The following CSMD1 variants were observed in gnomAD, a reference collection of about 807,000 sequenced individuals.
The protein encoded by CSMD1 is CUB and Sushi multiple domains 1, also known as CUB and sushi domain-containing protein 1.
CSMD1 carries 213 observed loss-of-function variants against 417.5 expected under a neutral mutation model. The observed-to-expected ratio is 0.51, with a 90% confidence interval of 0.46 to 0.57. The LOEUF (loss-of-function observed/expected upper bound fraction) is 0.57, where lower values mean the gene tolerates loss of function less well. CSMD1 is among the 20% of genes least tolerant of loss of function. CSMD1 has a pLI of 0.00. For missense variants in CSMD1, 6,923 were observed against 4,529.7 expected (o/e 1.53, Z -15.17); for synonymous variants, 2,862 against 1,736.8 (o/e 1.65, Z -16.11).
chr8:2,969,168 A>C (rs1195605102), intron 57 of CSMD1, among the ~76,000 whole-genome samples: 2 of 152,116 alleles, frequency 1.3e-5, no homozygotes, highest in Admixed American at 1.3e-4. Flanking sequence ...CAAATTACCC[A>C]CGCTATATGT....
At chr8:4,460,485 T>C (rs1439992248) in intron 2 of CSMD1, among the ~76,000 whole-genome samples, 2 of 152,022 alleles carry the variant, frequency 1.3e-5, no homozygotes, top group Non-Finnish European at 2.9e-5. Flanking sequence ...GTGAGAATAA[T>C]CAAGTATACA....
rs531116804 is a variant in CSMD1 at position 4,670,046 on chromosome 8, G to A, written c.86-32488C>T. ...AACTCAACCATCTGAACCCTGCTAGGAGAAACTCTGTAGAAAGGGAAGCTG... is the reference window on the plus strand; with the variant it reads ...AACTCAACCATCTGAACCCTGCTAGAAGAAACTCTGTAGAAAGGGAAGCTG... On this transcript the variant is annotated intron_variant, in intron 1 of 69. Coordinates refer to ENST00000635120, the MANE Select transcript of CSMD1 (RefSeq NM_033225.6). 5.3e-5 allele frequency among the ~76,000 whole-genome samples: 8 copies of A among 152,272 alleles called. No homozygotes were observed. The East Asian group carries it at 1.4e-3, about 26-fold the overall frequency.
intron 5 of CSMD1, among the ~76,000 whole-genome samples, chr8:3,975,364 T>C (rs906513120): frequency 8.5e-5 from 13 of 152,196 alleles, no homozygotes; most frequent in Non-Finnish European, 1.3e-4. Context: ...AATAATGTTA[T>C]GTTTCTTTTT....
intron 12 of CSMD1, among the ~76,000 whole-genome samples, chr8:3,424,899 T>C (rs1052164443): frequency 6.6e-6 from 1 of 152,214 alleles, no homozygotes; most frequent in Non-Finnish European, 1.5e-5. Context: ...GGAGCCATCA[T>C]GGCTGACTCA....
Position 3,574,986 on chromosome 8 carries a change from C to A in CSMD1, c.1303G>T (p.Ala435Ser). The A allele has an allele frequency of 6.2e-7, 1 of 1,612,938 alleles. No homozygotes were observed. The highest frequency in any genetic ancestry group is 1.1e-5 in the South Asian group (1 of 91,016). Residue 435 changes from alanine to serine, a missense_variant, in exon 10 of 70, where the codon GCA becomes TCA. Ala to Ser is a moderately conservative substitution (Grantham distance 99, BLOSUM62 1). Transcript: ENST00000635120. Reference sequence around the variant, plus strand: ...GTGGTGATGACCCACACACAGTGTGCATTATCTTCATACTGAACCGGATAA... The same window carrying A: ...GTGGTGATGACCCACACACAGTGTGAATTATCTTCATACTGAACCGGATAA... ...PNYPVQYEDN[A>S]HCVWVITTTD...
At chr8:3,871,526 C>A (rs1041639704) in intron 5 of CSMD1, among the ~76,000 whole-genome samples, 3 of 151,900 alleles carry the variant, frequency 2.0e-5, no homozygotes, top group African/African-American at 4.8e-5. Context: ...ATGAATAATG[C>A]TTGATTTTAA....
At chr8:4,351,898 G>A (rs1801116492) in intron 3 of CSMD1, among the ~76,000 whole-genome samples, 1 of 150,506 alleles carries the variant, frequency 6.6e-6, no homozygotes, top group African/African-American at 2.4e-5. Flanking sequence ...ACGCACTACA[G>A]AAACCAAACT....
intron 3 of CSMD1, among the ~76,000 whole-genome samples, chr8:4,332,957 A>AAC: frequency 6.6e-6 from 1 of 151,820 alleles, no homozygotes; most frequent in African/African-American, 2.4e-5. Context: ...AAAAAAAAAA[A>AAC]CTAAGATTTC....
At chr8:3,772,334 G>GACATACATATGTACATATATTTAT (rs1798627405) in intron 5 of CSMD1, among the ~76,000 whole-genome samples, 5 of 34,448 alleles carry the variant, frequency 1.5e-4, no homozygotes, top group Non-Finnish European at 2.2e-4. Context: ...CATATATTTA[G>GACATACATATGTACATATATTTAT]ACATACATAT....
intron 3 of CSMD1, among the ~76,000 whole-genome samples, chr8:4,050,764 A>T (rs190612355): frequency 6.6e-6 from 1 of 152,212 alleles, no homozygotes; most frequent in Non-Finnish European, 1.5e-5. Flanking sequence ...GCCCTAATTG[A>T]CCAAGTGTAT....
chr8:3,115,960 G>T (rs1033751409), intron 42 of CSMD1, among the ~76,000 whole-genome samples: 1 of 152,130 alleles, frequency 6.6e-6, no homozygotes, highest in Non-Finnish European at 1.5e-5. Context: ...ATAAACCACT[G>T]TCAATTAATA....
At chr8:3,676,690 T>C (rs1392541537) in intron 7 of CSMD1, among the ~76,000 whole-genome samples, 1 of 152,154 alleles carries the variant, frequency 6.6e-6, no homozygotes, top group Admixed American at 6.5e-5. Flanking sequence ...ATCTTAAAGA[T>C]GACTGTCCAT....
chr8:2,947,092 A>G (rs1802293763), intron 68 of CSMD1, among the ~76,000 whole-genome samples: 3 of 152,190 alleles, frequency 2.0e-5, no homozygotes. Flanking sequence ...ATTGAGCCAT[A>G]AGAGTTCTTC....
At chr8:4,458,671 G>A (rs1799630216) in intron 2 of CSMD1, among the ~76,000 whole-genome samples, 2 of 152,166 alleles carry the variant, frequency 1.3e-5, no homozygotes, top group African/African-American at 4.8e-5. Context: ...GTCCTTGTCT[G>A]AAACTAACCA....
At chr8:3,326,159 A>G (rs1348615353) in intron 23 of CSMD1, among the ~76,000 whole-genome samples, 1 of 152,212 alleles carries the variant, frequency 6.6e-6, no homozygotes, top group Non-Finnish European at 1.5e-5. Context: ...GTTCGACAAC[A>G]TCATACACTG....
chr8:4,142,187 A>C (rs1803832071), intron 3 of CSMD1, among the ~76,000 whole-genome samples: 1 of 151,196 alleles, frequency 6.6e-6, no homozygotes, highest in Non-Finnish European at 1.5e-5. Context: ...ACTCAAGATA[A>C]TCACCAGATT....
chr8:3,512,060 G>T (rs1192422690), intron 10 of CSMD1, among the ~76,000 whole-genome samples: 2 of 152,090 alleles, frequency 1.3e-5, no homozygotes, highest in Non-Finnish European at 2.9e-5. Context: ...CCACTATGTG[G>T]CCCTAGAGAG....
intron 2 of CSMD1, among the ~76,000 whole-genome samples, chr8:4,634,175 G>C (rs189493950): frequency 6.6e-6 from 1 of 152,120 alleles, no homozygotes; most frequent in Admixed American, 6.5e-5. Context: ...AATCATATAT[G>C]TATTGTTGGT....
At chr8:3,450,653 T>C (rs968881749) in intron 12 of CSMD1, among the ~76,000 whole-genome samples, 8 of 152,184 alleles carry the variant, frequency 5.3e-5, no homozygotes, top group African/African-American at 2.4e-5. Context: ...CTCATCATTT[T>C]TCATGGCTGC....
Sources: gnomAD v4.1 joint callset for allele counts (sites outside exome capture counted in the v4.1 genomes callset) on GRCh38, gnomAD v4.1.1 for gene constraint, MANE v1.5 for transcripts, NCBI Gene and HGNC (gene_info 2026-07-23, HGNC 2026-07-21) for gene names.